USP46: variants seen among roughly 807,000 people sequenced by gnomAD.
The protein encoded by USP46 is ubiquitin carboxyl-terminal hydrolase 46.
In USP46, 12 loss-of-function variants were observed where a neutral mutation model predicts 44.4. The observed-to-expected ratio is 0.27, with a 90% CI of 0.17 to 0.44. The LOEUF is 0.44. Ranked by LOEUF, USP46 falls within the 20% of genes least tolerant of loss-of-function variation. The probability of loss-of-function intolerance (pLI) is 1.00; values close to 1 mark genes in which losing one functional copy is unlikely to be tolerated. For synonymous variants in USP46, 155 were observed against 161.5 expected (o/e 0.96, Z 0.31); for missense variants, 248 against 444.8 (o/e 0.56, Z 3.98).
chr4:52,651,760 C>T (rs1331444259), intron 1 of USP46, among the ~76,000 whole-genome samples: 2 of 152,160 alleles, frequency 1.3e-5, no homozygotes, highest in Non-Finnish European at 1.5e-5. Context: ...GCCCCAGACA[C>T]GATTTTCACT....
intron 2 of USP46, among the ~76,000 whole-genome samples, chr4:52,628,883 C>T (rs1384579536): frequency 1.3e-5 from 2 of 152,196 alleles, no homozygotes; most frequent in East Asian, 3.8e-4. Context: ...CACATTAGGG[C>T]CCACCCAGTA....
chr4:52,624,431 C>T (rs894061179), intron 4 of USP46, among the ~76,000 whole-genome samples: 3 of 152,144 alleles, frequency 2.0e-5, no homozygotes, highest in Non-Finnish European at 4.4e-5. Flanking sequence ...GTTACAAATT[C>T]ACCATCTCTG....
At chr4:52,645,179 C>T (rs957419344) in intron 1 of USP46, among the ~76,000 whole-genome samples, 2 of 149,512 alleles carry the variant, frequency 1.3e-5, no homozygotes, top group Non-Finnish European at 3.0e-5. Flanking sequence ...GAGCCGAGAT[C>T]GCGCCACTGC....
At chr4:52,648,937 C>T (rs1003804525) in intron 1 of USP46, among the ~76,000 whole-genome samples, 22 of 152,130 alleles carry the variant, frequency 1.4e-4, no homozygotes, top group Admixed American at 1.2e-3. Flanking sequence ...GACTTGGGAA[C>T]CCAATTAGAC....
At chr4:52,608,535 A>G (rs141165750) in intron 5 of USP46, among the ~76,000 whole-genome samples, 1 of 152,208 alleles carries the variant, frequency 6.6e-6, no homozygotes, top group Non-Finnish European at 1.5e-5. Flanking sequence ...CTGGCTCACC[A>G]GTTGGGAAGC....
At chr4:52,629,237 C>T (rs1292920427) in intron 2 of USP46, among the ~76,000 whole-genome samples, 2 of 152,246 alleles carry the variant, frequency 1.3e-5, no homozygotes, top group East Asian at 3.9e-4. Flanking sequence ...AGAAGGCTTC[C>T]TATTTTTATA....
At chr4:52,621,176 CAGAATGTT>C (rs2109622045) in intron 4 of USP46, among the ~76,000 whole-genome samples, 1 of 152,174 alleles carries the variant, frequency 6.6e-6, no homozygotes, top group South Asian at 2.1e-4. Flanking sequence ...ACTAATTTTA[CAGAATGTT>C]GATAGCAAAA....
chr4:52,622,720 T>C (rs778179576), intron 4 of USP46, among the ~76,000 whole-genome samples: 2 of 152,142 alleles, frequency 1.3e-5, no homozygotes, highest in Non-Finnish European at 2.9e-5. Context: ...GTGACTTCAT[T>C]AAGTTGGAAG....
intron 4 of USP46, among the ~76,000 whole-genome samples, chr4:52,616,540 T>C (rs563031213): frequency 1.3e-5 from 2 of 152,252 alleles, no homozygotes; most frequent in Admixed American, 1.3e-4. Context: ...ACCCGTCTAA[T>C]TTTTGTATTT....
Position 52,593,852 on chromosome 4 carries a change from C to T in USP46, c.*3788G>A, listed in dbSNP as rs1333454300. The T allele has an allele frequency of 6.6e-6, 1 of 152,216 alleles. No individual in the cohort carries two copies. The highest frequency in any genetic ancestry group is 2.4e-5 in the African/African-American group (1 of 41,448). The allele number at this position is 152,216 out of a possible 1,614,324, so 9.4% of individuals were successfully genotyped here. On this transcript the variant is annotated 3_prime_UTR_variant, in exon 9 of 9. Coordinates refer to ENST00000441222, the MANE Select transcript of USP46 (RefSeq NM_022832.4). ...CCCAAAAATAAATTCACTGTGATGC[C>T]TAGTTAACTATCCCTAAATTCTTTT...
intron 1 of USP46, among the ~76,000 whole-genome samples, chr4:52,648,945 G>C (rs1016654812): frequency 3.3e-5 from 5 of 152,128 alleles, no homozygotes; most frequent in Non-Finnish European, 5.9e-5. Context: ...AACCCAATTA[G>C]ACAGTTTCCT....
chr4:52,609,869 T>C (rs1716856647), intron 5 of USP46, among the ~76,000 whole-genome samples: 1 of 122,264 alleles, frequency 8.2e-6, no homozygotes, highest in Non-Finnish European at 1.7e-5. Flanking sequence ...AAAAAAAAAA[T>C]TATGGAAACC....
chr4:52,609,839 A>T (rs1716854264), intron 5 of USP46, among the ~76,000 whole-genome samples: 1 of 147,388 alleles, frequency 6.8e-6, no homozygotes. Flanking sequence ...TGGATGACCA[A>T]CATACACATT....
At chr4:52,613,661 G>A (rs1346275596) in intron 4 of USP46, among the ~76,000 whole-genome samples, 2 of 150,934 alleles carry the variant, frequency 1.3e-5, no homozygotes, top group Non-Finnish European at 2.9e-5. Context: ...GGCGGAGGTT[G>A]CAGTAAGCCG....
At position 52,658,885 on chromosome 4, in the gene USP46, C is replaced by T. The variant is rs527754134; in HGVS notation, c.36+230G>A. 5.1e-3 allele frequency among the ~76,000 whole-genome samples: 775 copies of T among 151,902 alleles called. 7 individuals carry two copies. The highest frequency in any genetic ancestry group is 0.018 in the African/African-American group (733 of 41,500). On this transcript the variant is annotated intron_variant, in intron 1 of 8. Coordinates refer to ENST00000441222, the MANE Select transcript of USP46 (RefSeq NM_022832.4). Reference sequence around the variant, plus strand: ...CGCAGCAGCGCGGCCCCGGGATCGCCGGGCGGGTTCCGAGGTCCCGGGGCT... The same window carrying T: ...CGCAGCAGCGCGGCCCCGGGATCGCTGGGCGGGTTCCGAGGTCCCGGGGCT...
In USP46 at chr4:52,595,444, C is replaced by G. The variant is rs943665803; in HGVS notation, c.*2196G>C. 1 of 152,558 alleles carries G rather than the reference C, an allele frequency of 6.6e-6. No individual in the cohort carries two copies. The highest frequency in any genetic ancestry group is 2.1e-4 in the South Asian group (1 of 4,830). 9.5% of individuals were successfully genotyped at this position (152,558 alleles called of 1,614,324 possible). A position where few individuals can be genotyped will look rare whatever the true frequency, so the allele number is the denominator to read the frequency against. ...TCCAATCTTCTTTTCCTGCACCATA[C>G]AACTGTTTTAATGTGTTTGCAATAT... On this transcript the variant is annotated 3_prime_UTR_variant, in exon 9 of 9. Transcript: ENST00000441222.
At position 52,656,213 on chromosome 4, in the gene USP46, G is replaced by A. The variant is rs187489263; in HGVS notation, c.36+2902C>T. The stretch of plus-strand genomic sequence containing the variant: ...CTTACTACAACTACTCAAACCAGCT[G>A]GGACCAAAGTTAGGAGCGGGAAGGG... On this transcript the variant is annotated intron_variant, in intron 1 of 8. Coordinates refer to ENST00000441222, the MANE Select transcript of USP46 (RefSeq NM_022832.4). 322 of 1,414,764 alleles carry A rather than the reference G, an allele frequency of 2.3e-4. 1 individual carries two copies. The African/African-American group carries it at 4.3e-3, about 19-fold the overall frequency. 87.6% of individuals were successfully genotyped at this position (1,414,764 alleles called of 1,614,324 possible).
At chr4:52,625,928 A>G (rs1471993978) in intron 4 of USP46, 90 bp downstream of exon 4, 1 of 1,255,522 alleles carries the variant, frequency 8.0e-7, no homozygotes, top group African/African-American at 1.5e-5. Flanking sequence ...AATAACTGCT[A>G]AATGCTATAA....
chr4:52,628,205 G>T (rs1203232056), intron 2 of USP46, 42 bp from the exon 3 acceptor site: 1 of 1,588,938 alleles, frequency 6.3e-7, no homozygotes, highest in Non-Finnish European at 8.6e-7. Context: ...ATTGCCTGGG[G>T]ATGAGCCACC....
Sources: gnomAD v4.1 joint callset for allele counts (sites outside exome capture counted in the v4.1 genomes callset) on GRCh38, gnomAD v4.1.1 for gene constraint, MANE v1.5 for transcripts, NCBI Gene and HGNC (gene_info 2026-07-23, HGNC 2026-07-21) for gene names.